Variants in MYCBP2 observed in about 807,000 individuals in gnomAD.
MYCBP2 encodes E3 ubiquitin-protein ligase MYCBP2.
Under a neutral mutation model 525.3 loss-of-function variants are expected in MYCBP2, and 120 were observed. The observed-to-expected ratio is 0.23, with a 90% CI of 0.20 to 0.27. The LOEUF is 0.27. MYCBP2 is among the 10% of genes least tolerant of loss of function. The pLI, the probability that MYCBP2 is intolerant of heterozygous loss-of-function variation, is 1.00. For synonymous variants in MYCBP2, 1,894 were observed against 1,955.8 expected, an observed-to-expected ratio of 0.97 and a Z score of 0.83; for missense variants, 4,149 against 5,657.1, an observed-to-expected ratio of 0.73 and a Z score of 8.55.
intron 18 of MYCBP2, among the ~76,000 whole-genome samples, chr13:77,231,083 A>G (rs2067067872): frequency 6.6e-6 from 1 of 152,232 alleles, no homozygotes; most frequent in Non-Finnish European, 1.5e-5. Context: ...ACCAATTGAT[A>G]AATTATTATT....
intron 21 of MYCBP2, among the ~76,000 whole-genome samples, chr13:77,217,552 A>G (rs1271630035): frequency 6.6e-6 from 1 of 152,222 alleles, no homozygotes; most frequent in African/African-American, 2.4e-5. Context: ...CTATGACAGA[A>G]TTAGCTCTAT....
intron 62 of MYCBP2, among the ~76,000 whole-genome samples, chr13:77,083,958 G>A (rs747294141): frequency 1.3e-5 from 2 of 151,980 alleles, no homozygotes; most frequent in Admixed American, 6.6e-5. Context: ...ACTGATCTGT[G>A]TTCTTTTAAC....
intron 3 of MYCBP2, among the ~76,000 whole-genome samples, chr13:77,284,260 A>T (rs9574026): frequency 2.0e-5 from 3 of 151,334 alleles, no homozygotes; most frequent in Non-Finnish European, 4.4e-5. Context: ...GAGTACAAGA[A>T]ACAGAAACCT....
chr13:77,230,379 C>T (rs1255493271), intron 18 of MYCBP2, among the ~76,000 whole-genome samples: 1 of 152,038 alleles, frequency 6.6e-6, no homozygotes, highest in East Asian at 1.9e-4. Flanking sequence ...AGAAGATAAA[C>T]TGGGTAAGGT....
intron 23 of MYCBP2, among the ~76,000 whole-genome samples, chr13:77,207,292 A>G (rs1384109986): frequency 6.6e-6 from 1 of 152,248 alleles, no homozygotes; most frequent in Admixed American, 6.5e-5. Context: ...AAGCACAGAT[A>G]GAATGGATGT....
At chr13:77,228,878 C>T (rs978300449) in intron 18 of MYCBP2, among the ~76,000 whole-genome samples, 2 of 152,094 alleles carry the variant, frequency 1.3e-5, no homozygotes, top group Admixed American at 6.6e-5. Flanking sequence ...GGGACTCTAA[C>T]TTCTAATTTT....
rs749666502 is a variant in MYCBP2 at position 77,058,356 on chromosome 13, G to A, written c.13191C>T (p.Cys4397=). Residue 4397 remains cysteine (C), a synonymous_variant, in exon 78 of 83, where the codon TGC becomes TGT. Coordinates refer to ENST00000544440, the MANE Select transcript of MYCBP2 (RefSeq NM_015057.5). The surrounding 1 kb of genome is among the most constrained non-coding windows in gnomAD (Gnocchi z 4.1). ...CSKTHPCGHP[C]GGVKNEEHCL... ...AGTGCTCTTCGTTTTTAACACCCCCGCATGGATGGCCACAAGGATGCGTCT... is the reference window on the plus strand; with the variant it reads ...AGTGCTCTTCGTTTTTAACACCCCCACATGGATGGCCACAAGGATGCGTCT... The A allele has an allele frequency of 1.9e-6, 3 of 1,613,786 alleles. No individual in the cohort carries two copies. The highest frequency in any genetic ancestry group is 1.1e-5 in the South Asian group (1 of 91,062).
intron 26 of MYCBP2, among the ~76,000 whole-genome samples, chr13:77,202,755 A>C (rs1437381656): frequency 6.6e-6 from 1 of 152,208 alleles, no homozygotes; most frequent in Non-Finnish European, 1.5e-5. Context: ...CAAATCAATA[A>C]ATGTAATCCA....
intron 1 of MYCBP2, among the ~76,000 whole-genome samples, chr13:77,296,981 T>C (rs17067419): frequency 2.0e-5 from 3 of 152,186 alleles, no homozygotes; most frequent in Non-Finnish European, 4.4e-5. Context: ...ACTTTATCCA[T>C]AGTGGGATGT....
intron 68 of MYCBP2, 78 bp downstream of exon 68, chr13:77,076,673 T>C: frequency 1.2e-6 from 1 of 835,162 alleles, no homozygotes; most frequent in Non-Finnish European, 1.9e-6. Context: ...CATCAAAATA[T>C]ACAGCAATAA....
chr13:77,138,075 G>A (rs1440841961), intron 52 of MYCBP2, among the ~76,000 whole-genome samples: 3 of 152,150 alleles, frequency 2.0e-5, no homozygotes, highest in Non-Finnish European at 4.4e-5. Flanking sequence ...CGTAATTGAT[G>A]TAATTTTTTA....
At chr13:77,073,920 C>T (rs555254525) in intron 68 of MYCBP2, among the ~76,000 whole-genome samples, 16 of 151,802 alleles carry the variant, frequency 1.1e-4, no homozygotes, top group Admixed American at 9.2e-4. Context: ...TTCACAGATA[C>T]GAAGACTCAA....
At chr13:77,213,981 G>A (rs2154285626) in intron 21 of MYCBP2, among the ~76,000 whole-genome samples, 1 of 152,354 alleles carries the variant, frequency 6.6e-6, no homozygotes, top group South Asian at 2.1e-4. Flanking sequence ...TTAAGAAGGA[G>A]GACAGAGGCG....
intron 39 of MYCBP2, 124 bp downstream of exon 39, chr13:77,169,490 C>T (rs886247083): frequency 2.8e-5 from 18 of 652,450 alleles, no homozygotes; most frequent in Non-Finnish European, 4.8e-5. Flanking sequence ...AGATCTATCT[C>T]TGCTTGTTAC....
chr13:77,060,408 G>A (rs1338521609), intron 76 of MYCBP2, among the ~76,000 whole-genome samples: 2 of 152,238 alleles, frequency 1.3e-5, no homozygotes, highest in Admixed American at 6.5e-5. Flanking sequence ...AGAAGGTCAT[G>A]CTCTTGCAGC....
chr13:77,225,586 A>G (rs1005384194), intron 18 of MYCBP2, 32 bp from the exon 19 acceptor site: 1 of 1,608,910 alleles, frequency 6.2e-7, no homozygotes, highest in South Asian at 1.1e-5. Context: ...AATTATGATT[A>G]AGCCATTATT....
At chr13:77,083,425 C>G (rs909584079) in intron 62 of MYCBP2, among the ~76,000 whole-genome samples, 20 of 152,046 alleles carry the variant, frequency 1.3e-4, no homozygotes, top group Admixed American at 5.2e-4. Context: ...ATAAATGTAT[C>G]AATTCTAGTG....
chr13:77,121,117 G>T, intron 55 of MYCBP2: 1 of 232,608 alleles, frequency 4.3e-6, no homozygotes, highest in African/African-American at 2.2e-5. Context: ...AAATCAAAAT[G>T]AGTGTTTTTT....
intron 62 of MYCBP2, among the ~76,000 whole-genome samples, chr13:77,083,670 C>T (rs535454068): frequency 6.6e-6 from 1 of 152,152 alleles, no homozygotes; most frequent in Non-Finnish European, 1.5e-5. Context: ...AAATGGACCA[C>T]AGCTAGGAAA....
Sources: gnomAD v4.1 joint callset for allele counts (sites outside exome capture counted in the v4.1 genomes callset) on GRCh38, gnomAD v4.1.1 for gene constraint, Gnocchi (gnomAD v3.1) non-coding constraint, MANE v1.5 for transcripts, NCBI Gene and HGNC (gene_info 2026-07-23, HGNC 2026-07-21) for gene names.